The following HMBOX1 variants were observed in gnomAD, a reference collection of about 807,000 sequenced individuals.
HMBOX1 encodes homeobox-containing protein 1.
A neutral mutation model predicts 54.5 loss-of-function variants in HMBOX1; 14 were observed. The ratio of observed to expected loss-of-function variants is 0.26; its 90% CI spans 0.17 to 0.40. HMBOX1 has a LOEUF of 0.40. Ranked by LOEUF, HMBOX1 falls within the 10% of genes least tolerant of loss-of-function variation. HMBOX1 has a pLI of 1.00. For synonymous variants in HMBOX1, 160 were observed against 181.0 expected (o/e 0.88, Z 0.93); for missense variants, 332 against 514.4 (o/e 0.65, Z 3.43).
chr8:29,050,609 C>G (rs949657934), intron 9 of HMBOX1: 9 of 162,328 alleles, frequency 5.5e-5, no homozygotes, highest in Admixed American at 5.4e-4. Context: ...TTCTAATAAT[C>G]TATTTGTAAG....
At chr8:28,916,625 T>C (rs1816604730) in intron 1 of HMBOX1, among the ~76,000 whole-genome samples, 1 of 152,344 alleles carries the variant, frequency 6.6e-6, no homozygotes, top group Middle Eastern at 3.4e-3. Flanking sequence ...ACCATATTTG[T>C]GTGAGTCTGT....
intron 1 of HMBOX1, among the ~76,000 whole-genome samples, chr8:28,925,801 TA>T (rs1355473258): frequency 1.3e-5 from 2 of 152,160 alleles, no homozygotes; most frequent in Non-Finnish European, 2.9e-5. Context: ...AATAATGTAT[TA>T]AAAATAATAT....
chr8:28,922,456 CT>C lies in HMBOX1; in HGVS notation c.-58+31783del, dbSNP rs1202175570. Among the ~76,000 whole-genome samples, 4 of 152,284 alleles carry C rather than the reference CT, an allele frequency of 2.6e-5. No individual in the cohort carries two copies. The East Asian group carries it at 7.7e-4, about 29-fold the overall frequency. Reference sequence around the variant, plus strand: ...GTTGGGCTTTTATTTTTGAATTCTACTTTTTAAAGTACTTTTATCTTTGCAA... The same window carrying C: ...GTTGGGCTTTTATTTTTGAATTCTACTTTTAAAGTACTTTTATCTTTGCAA... On this transcript the variant is annotated intron_variant, in intron 1 of 9. Transcript: ENST00000287701.
chr8:29,025,741 A>G (rs1282109811), intron 6 of HMBOX1, among the ~76,000 whole-genome samples: 3 of 152,180 alleles, frequency 2.0e-5, no homozygotes, highest in African/African-American at 7.2e-5. Flanking sequence ...CCATTTATAC[A>G]GTTCCTGCAT....
intron 5 of HMBOX1, chr8:29,009,842 C>A: frequency 8.3e-7 from 1 of 1,209,730 alleles, no homozygotes; most frequent in East Asian, 6.2e-5. Context: ...AAAGTGAAAT[C>A]TGAAGTTATG....
chr8:28,932,710 C>G (rs1819668338), intron 1 of HMBOX1, among the ~76,000 whole-genome samples: 1 of 152,160 alleles, frequency 6.6e-6, no homozygotes, highest in African/African-American at 2.4e-5. Flanking sequence ...TTTACTATTT[C>G]TTATGATTTT....
chr8:28,959,868 A>G (rs1825155205), intron 1 of HMBOX1, among the ~76,000 whole-genome samples: 1 of 151,966 alleles, frequency 6.6e-6, no homozygotes, highest in Non-Finnish European at 1.5e-5. Flanking sequence ...CAATTTTGAT[A>G]TATTCTGTTT....
At chr8:28,962,445 T>G (rs1825767246) in intron 1 of HMBOX1, among the ~76,000 whole-genome samples, 2 of 137,026 alleles carry the variant, frequency 1.5e-5, no homozygotes, top group South Asian at 4.7e-4. Flanking sequence ...TTTTTCTGTA[T>G]TCATGGTGCA....
chr8:28,954,855 T>C (rs562567898), intron 1 of HMBOX1, among the ~76,000 whole-genome samples: 2 of 152,316 alleles, frequency 1.3e-5, no homozygotes, highest in Admixed American at 1.3e-4. Flanking sequence ...TCATTTTATG[T>C]CTTTGAAAGT....
At chr8:29,021,559 A>G (rs1801159819) in intron 6 of HMBOX1, among the ~76,000 whole-genome samples, 1 of 152,090 alleles carries the variant, frequency 6.6e-6, no homozygotes, top group Non-Finnish European at 1.5e-5. Flanking sequence ...TGAACATATG[A>G]AAATATGCTC....
chr8:28,976,887 T>C (rs1828490345), intron 3 of HMBOX1, among the ~76,000 whole-genome samples: 1 of 151,870 alleles, frequency 6.6e-6, no homozygotes, highest in Non-Finnish European at 1.5e-5. Context: ...TAAAATATTT[T>C]TGGTAGAGAC....
intron 6 of HMBOX1, among the ~76,000 whole-genome samples, chr8:29,028,014 G>C (rs1257655700): frequency 6.6e-6 from 1 of 152,108 alleles, no homozygotes; most frequent in Non-Finnish European, 1.5e-5. Context: ...GTAAAGCCTA[G>C]AACCCTCTGA....
At chr8:28,933,533 A>G (rs1411109819) in intron 1 of HMBOX1, among the ~76,000 whole-genome samples, 1 of 152,246 alleles carries the variant, frequency 6.6e-6, no homozygotes, top group Non-Finnish European at 1.5e-5. Flanking sequence ...ATCAAGATCA[A>G]TAAAATTGAT....
rs572808966 is a variant in HMBOX1, at chr8:29,051,931, G to A, written c.*776G>A. The A allele has an allele frequency of 3.7e-5, 8 of 213,412 alleles. No homozygotes were observed. The highest frequency in any genetic ancestry group is 7.3e-5 in the Non-Finnish European group (8 of 109,134). 13.2% of individuals were successfully genotyped at this position (213,412 alleles called of 1,614,324 possible). A position where few individuals can be genotyped will look rare whatever the true frequency, so the allele number is the denominator to read the frequency against. ...AAAAAAAAAAAAACCCAGCTTGAGA[G>A]CATTGGAAAAAAAAAATATGAGCTG... On this transcript the variant is annotated 3_prime_UTR_variant, in exon 10 of 10. Coordinates refer to ENST00000287701, the MANE Select transcript of HMBOX1 (RefSeq NM_001135726.3).
At chr8:28,895,687 A>AAAAAT (rs1811970253) in intron 1 of HMBOX1, among the ~76,000 whole-genome samples, 1 of 151,952 alleles carries the variant, frequency 6.6e-6, no homozygotes, top group African/African-American at 2.4e-5. Context: ...AAAAAAAAAA[A>AAAAAT]TTTTGATAAT....
chr8:29,025,395 C>T (rs1801867516), intron 6 of HMBOX1, among the ~76,000 whole-genome samples: 1 of 152,172 alleles, frequency 6.6e-6, no homozygotes, highest in Admixed American at 6.5e-5. Flanking sequence ...ACTTCAGAGC[C>T]ACACAGACTT....
In HMBOX1 at chr8:28,932,322, T is replaced by C. The variant is rs547367179; in HGVS notation, c.-57-31489T>C. Among the ~76,000 whole-genome samples the C allele has an allele frequency of 3.9e-5, 6 of 152,318 alleles. No homozygotes were observed. The South Asian group carries it at 1.2e-3, about 32-fold the overall frequency. The stretch of plus-strand genomic sequence containing the variant: ...ACAGTAGGAAGCCAATTGCAAGATT[T>C]TAAGTGGGAGTATGACATTATTTGA... On this transcript the variant is annotated intron_variant, in intron 1 of 9. Transcript: ENST00000287701.
At chr8:28,919,973 G>T (rs1208016625) in intron 1 of HMBOX1, among the ~76,000 whole-genome samples, 2 of 19,808 alleles carry the variant, frequency 1.0e-4, no homozygotes, top group South Asian at 2.2e-3. Context: ...GTGAAGTTTT[G>T]TGTGTGTGTG....
intron 4 of HMBOX1, among the ~76,000 whole-genome samples, chr8:28,994,157 ACT>A (rs1171276210): frequency 2.2e-5 from 3 of 137,916 alleles, no homozygotes; most frequent in Non-Finnish European, 3.2e-5. Context: ...ACAGAGCCAG[ACT>A]CTCTCACCAA....
Sources: allele counts gnomAD v4.1 joint callset (sites outside exome capture counted in the v4.1 genomes callset), GRCh38; gene constraint gnomAD v4.1.1; transcripts MANE v1.5; gene names NCBI Gene and HGNC (gene_info 2026-07-23, HGNC 2026-07-21).